The following IMMP2L variants were observed in gnomAD, a reference collection of about 807,000 sequenced individuals.
IMMP2L encodes mitochondrial inner membrane protease subunit 2.
Under a neutral mutation model 19.3 loss-of-function variants are expected in IMMP2L, and 18 were observed. That is an observed-to-expected ratio of 0.93 (90% CI 0.64 to 1.38). The LOEUF (loss-of-function observed/expected upper bound fraction) is 1.38. Among genes scored for constraint, IMMP2L ranks in the 40% most tolerant of loss-of-function variants. The pLI is 0.00. For synonymous variants in IMMP2L, 76 were observed against 73.0 expected (o/e 1.04, Z -0.21); for missense variants, 233 against 218.2 (o/e 1.07, Z -0.43).
chr7:111,337,320 A>G (rs1269723301), intron 3 of IMMP2L, among the ~76,000 whole-genome samples: 1 of 152,160 alleles, frequency 6.6e-6, no homozygotes, highest in East Asian at 1.9e-4. Context: ...TATAAAAATT[A>G]TTTAAGAATA....
intron 3 of IMMP2L, among the ~76,000 whole-genome samples, chr7:111,377,302 A>T (rs1830763579): frequency 2.0e-5 from 3 of 151,912 alleles, no homozygotes; most frequent in Non-Finnish European, 4.4e-5. Context: ...TAAAGAAGGA[A>T]AACATCCCTC....
rs1836117596 is a variant in IMMP2L at position 111,426,777 on chromosome 7, A to T, written c.239+60461T>A. Among the ~76,000 whole-genome samples, 2 of 151,274 alleles carry T rather than the reference A, an allele frequency of 1.3e-5. 1 individual carries two copies. The highest frequency in any genetic ancestry group is 3.0e-5 in the Non-Finnish European group (2 of 67,726). On this transcript the variant is annotated intron_variant, in intron 3 of 5. Transcript: ENST00000405709. ...TTTCTTTATGATCTGCAAGATGTGG[A>T]TATCACTGTCTATCTCACATGCTTA...
intron 3 of IMMP2L, among the ~76,000 whole-genome samples, chr7:111,178,066 G>A (rs1244461918): frequency 6.6e-6 from 1 of 151,904 alleles, no homozygotes; most frequent in African/African-American, 2.4e-5. Context: ...ATACTTTTAA[G>A]AACCAGCAAG....
chr7:111,263,962 G>A (rs960118626), intron 3 of IMMP2L, among the ~76,000 whole-genome samples: 2 of 152,080 alleles, frequency 1.3e-5, no homozygotes, highest in African/African-American at 2.4e-5. Context: ...TATTTAAAAG[G>A]CAAAACACAT....
chr7:110,916,558 C>G, intron 4 of IMMP2L, among the ~76,000 whole-genome samples: 1 of 152,140 alleles, frequency 6.6e-6, no homozygotes, highest in East Asian at 1.9e-4. Context: ...TAAAATGGGA[C>G]CAAAACCATT....
chr7:111,525,548 G>C (rs1473028074), intron 1 of IMMP2L, among the ~76,000 whole-genome samples: 1 of 152,086 alleles, frequency 6.6e-6, no homozygotes, highest in Admixed American at 6.6e-5. Flanking sequence ...GTGGTCCAGG[G>C]CAAGAGATGA....
At chr7:110,932,792 A>C (rs1815656064) in intron 4 of IMMP2L, among the ~76,000 whole-genome samples, 2 of 152,214 alleles carry the variant, frequency 1.3e-5, no homozygotes, top group Non-Finnish European at 2.9e-5. Flanking sequence ...CCCTATGGGA[A>C]TCTAACCTCA....
At chr7:111,271,355 C>G (rs1302601083) in intron 3 of IMMP2L, among the ~76,000 whole-genome samples, 2 of 152,076 alleles carry the variant, frequency 1.3e-5, no homozygotes, top group African/African-American at 4.8e-5. Flanking sequence ...TATACACACC[C>G]AATGGAAGAA....
chr7:111,393,597 A>G (rs1832597197), intron 3 of IMMP2L, among the ~76,000 whole-genome samples: 1 of 152,104 alleles, frequency 6.6e-6, no homozygotes, highest in African/African-American at 2.4e-5. Context: ...CGTAGGAGGG[A>G]ATGGTTTACA....
chr7:110,772,092 G>A (rs1313658761), intron 5 of IMMP2L, among the ~76,000 whole-genome samples: 1 of 152,142 alleles, frequency 6.6e-6, no homozygotes, highest in East Asian at 1.9e-4. Context: ...TCTCTTGAGG[G>A]TAATTAGGCC....
At chr7:110,804,272 A>G (rs1801464190) in intron 5 of IMMP2L, among the ~76,000 whole-genome samples, 1 of 152,028 alleles carries the variant, frequency 6.6e-6, no homozygotes, top group African/African-American at 2.4e-5. Flanking sequence ...TCCAGATGAA[A>G]AATTCTGTGT....
rs1814603191 is a variant in IMMP2L at position 110,924,232 on chromosome 7, T to C, written c.306-37537A>G. Among the ~76,000 whole-genome samples, 1 of 152,190 alleles carries C rather than the reference T, an allele frequency of 6.6e-6. No homozygotes were observed. The highest frequency in any genetic ancestry group is 6.5e-5 in the Admixed American group (1 of 15,270). Reference sequence around the variant, plus strand: ...TAGACAGCACTGTTTCTCCCCAGTGTGTCTTTAATTTCCTTTATTACAGCA... The same window carrying C: ...TAGACAGCACTGTTTCTCCCCAGTGCGTCTTTAATTTCCTTTATTACAGCA... On this transcript the variant is annotated intron_variant, in intron 4 of 5. Coordinates refer to ENST00000405709, the MANE Select transcript of IMMP2L (RefSeq NM_032549.4). The surrounding 1 kb of genome is among the most constrained non-coding windows in gnomAD (Gnocchi z 4.2).
intron 3 of IMMP2L, among the ~76,000 whole-genome samples, chr7:111,243,746 T>A (rs1396062125): frequency 1.2e-5 from 1 of 82,308 alleles, no homozygotes; most frequent in African/African-American, 4.8e-5. Context: ...AATTCCCACC[T>A]ATGAGTGAGA....
chr7:111,042,107 T>C (rs922027928), intron 3 of IMMP2L, among the ~76,000 whole-genome samples: 1 of 152,248 alleles, frequency 6.6e-6, no homozygotes, highest in African/African-American at 2.4e-5. Flanking sequence ...ATATTCCTTA[T>C]AATCCCCCTT....
At chr7:110,876,776 A>T (rs1477229880) in intron 5 of IMMP2L, among the ~76,000 whole-genome samples, 1 of 152,018 alleles carries the variant, frequency 6.6e-6, no homozygotes, top group Admixed American at 6.6e-5. Flanking sequence ...CCCATTTCCA[A>T]TCTAATCTTT....
intron 1 of IMMP2L, among the ~76,000 whole-genome samples, chr7:111,547,313 T>G (rs1476717041): frequency 3.9e-5 from 6 of 152,158 alleles, no homozygotes. Flanking sequence ...CTTGGAACAA[T>G]CACTGTTGCA....
intron 1 of IMMP2L, among the ~76,000 whole-genome samples, chr7:111,547,222 T>C (rs1849008590): frequency 6.6e-6 from 1 of 152,150 alleles, no homozygotes; most frequent in Non-Finnish European, 1.5e-5. Flanking sequence ...ATTCAATAAG[T>C]GAATTTTAAA....
chr7:111,070,649 G>A (rs1240210943), intron 3 of IMMP2L, among the ~76,000 whole-genome samples: 2 of 152,124 alleles, frequency 1.3e-5, no homozygotes, highest in Non-Finnish European at 2.9e-5. Flanking sequence ...TCCCTAGTGA[G>A]TTGAAATCAC....
intron 4 of IMMP2L, among the ~76,000 whole-genome samples, chr7:110,959,528 T>C (rs556408231): frequency 6.6e-6 from 1 of 152,082 alleles, no homozygotes; most frequent in South Asian, 2.1e-4. Context: ...ATGTGTTCAA[T>C]TATTAATATA....
Sources: allele counts gnomAD v4.1 joint callset (sites outside exome capture counted in the v4.1 genomes callset), GRCh38; gene constraint gnomAD v4.1.1; non-coding constraint Gnocchi (gnomAD v3.1); transcripts MANE v1.5; gene names NCBI Gene and HGNC (gene_info 2026-07-23, HGNC 2026-07-21).